Variants in CSMD3 observed in about 807,000 individuals in gnomAD.
CSMD3 encodes CUB and sushi domain-containing protein 3.
Under a neutral mutation model 435.2 loss-of-function variants are expected in CSMD3, and 177 were observed. That is an observed-to-expected ratio of 0.41 (90% confidence interval 0.36 to 0.46). CSMD3 has a LOEUF of 0.46. CSMD3 is among the 20% of genes least tolerant of loss of function. The pLI, the probability that CSMD3 is intolerant of heterozygous loss-of-function variation, is 0.34. For synonymous variants in CSMD3, 1,656 were observed against 1,520.5 expected (o/e 1.09, Z -2.07); for missense variants, 4,265 against 4,504.6 (o/e 0.95, Z 1.52).
At chr8:113,006,397 G>A (rs975329731) in intron 6 of CSMD3, among the ~76,000 whole-genome samples, 24 of 152,044 alleles carry the variant, frequency 1.6e-4, no homozygotes, top group African/African-American at 5.8e-4. Flanking sequence ...TTGTAGATTG[G>A]TGAGGACCCT....
At chr8:112,989,353 T>C (rs1243383842) in intron 6 of CSMD3, among the ~76,000 whole-genome samples, 3 of 152,050 alleles carry the variant, frequency 2.0e-5, no homozygotes, top group African/African-American at 7.2e-5. Context: ...TATTTCTCTA[T>C]ACTATGTTCC....
chr8:113,168,519 CAAAAAAAAAA>C (rs71281204), intron 4 of CSMD3, among the ~76,000 whole-genome samples: 4 of 17,018 alleles, frequency 2.4e-4, no homozygotes, highest in Non-Finnish European at 4.4e-4. Flanking sequence ...GACTCTGTCT[CAAAAAAAAAA>C]AAAAAAAAAA....
intron 7 of CSMD3, among the ~76,000 whole-genome samples, chr8:112,971,652 A>C (rs1235647312): frequency 3.3e-5 from 5 of 152,168 alleles, no homozygotes. Flanking sequence ...ACTAAAATGC[A>C]GTCAAAAATA....
chr8:112,884,989 C>G (rs2081550673), intron 10 of CSMD3, among the ~76,000 whole-genome samples: 1 of 151,682 alleles, frequency 6.6e-6, no homozygotes, highest in Admixed American at 6.6e-5. Flanking sequence ...CCCTGAGAGA[C>G]CCAATCCCAG....
chr8:112,880,340 A>G (rs776823944), intron 10 of CSMD3, among the ~76,000 whole-genome samples: 3 of 152,074 alleles, frequency 2.0e-5, no homozygotes, highest in Admixed American at 2.0e-4. Context: ...CCTACGCTTA[A>G]GGAGCTTGCA....
intron 14 of CSMD3, among the ~76,000 whole-genome samples, chr8:112,689,117 A>G (rs1242708035): frequency 2.6e-5 from 4 of 152,070 alleles, no homozygotes; most frequent in African/African-American, 9.6e-5. Context: ...TAAGAACTAA[A>G]ACAAAAGGGG....
At position 112,237,105 on chromosome 8, in the gene CSMD3, T is replaced by A; in HGVS notation, c.10627+85A>T. 4 of 1,409,194 alleles carry A rather than the reference T, an allele frequency of 2.8e-6. No individual in the cohort carries two copies. The Admixed American group carries it at 6.7e-5, about 24-fold the overall frequency. 87.3% of individuals were successfully genotyped at this position (1,409,194 alleles called of 1,614,324 possible). A position where few individuals can be genotyped will look rare whatever the true frequency, so the allele number is the denominator to read the frequency against. The stretch of plus-strand genomic sequence containing the variant: ...ATGTATCAAAATAAACATTTCACCA[T>A]ATAAAAAGCATTACTAAAAATGATG... On this transcript the variant is annotated intron_variant, in intron 67 of 70. Transcript: ENST00000297405.
intron 27 of CSMD3, among the ~76,000 whole-genome samples, chr8:112,522,932 C>A (rs1440472542): frequency 6.6e-6 from 1 of 151,814 alleles, no homozygotes; most frequent in African/African-American, 2.4e-5. Context: ...TAGTTTTCAA[C>A]TGAAATATGG....
chr8:112,621,976 G>A (rs942404756), intron 22 of CSMD3, among the ~76,000 whole-genome samples: 1 of 152,068 alleles, frequency 6.6e-6, no homozygotes, highest in Non-Finnish European at 1.5e-5. Flanking sequence ...TTCTCTCTCT[G>A]TGGTACACTC....
intron 41 of CSMD3, among the ~76,000 whole-genome samples, chr8:112,344,356 A>G (rs1160554346): frequency 6.6e-6 from 1 of 152,224 alleles, no homozygotes; most frequent in Non-Finnish European, 1.5e-5. Context: ...TTATTTAAAG[A>G]AAAATGCAAA....
chr8:113,109,066 T>TA (rs747933330), intron 4 of CSMD3, among the ~76,000 whole-genome samples: 3 of 152,208 alleles, frequency 2.0e-5, no homozygotes, highest in East Asian at 1.9e-4. Context: ...AATGGAGAAT[T>TA]AAAAACAAGT....
chr8:113,106,199 TA>T (rs2090470861), intron 4 of CSMD3, among the ~76,000 whole-genome samples: 1 of 151,986 alleles, frequency 6.6e-6, no homozygotes, highest in Non-Finnish European at 1.5e-5. Context: ...CAGCAAAGCC[TA>T]AAATATTTAC....
At chr8:112,490,811 A>G (rs1273891189) in intron 31 of CSMD3, among the ~76,000 whole-genome samples, 1 of 152,138 alleles carries the variant, frequency 6.6e-6, no homozygotes, top group African/African-American at 2.4e-5. Flanking sequence ...ACTAATTTAT[A>G]TGGTTCTAAA....
intron 32 of CSMD3, among the ~76,000 whole-genome samples, chr8:112,435,621 A>G (rs1034430434): frequency 1.3e-5 from 2 of 152,080 alleles, no homozygotes; most frequent in Admixed American, 1.3e-4. Context: ...GGTATGATGC[A>G]ATAACTTAAA....
intron 13 of CSMD3, among the ~76,000 whole-genome samples, chr8:112,755,365 A>AATAATAATC (rs2077673337): frequency 6.7e-6 from 1 of 148,636 alleles, no homozygotes; most frequent in South Asian, 2.1e-4. Context: ...TAATAATAAT[A>AATAATAATC]ATAATAATGA....
chr8:112,364,345 C>T (rs989261080), intron 38 of CSMD3, among the ~76,000 whole-genome samples: 1 of 151,740 alleles, frequency 6.6e-6, no homozygotes, highest in Non-Finnish European at 1.5e-5. Flanking sequence ...AAAATCTATT[C>T]ATTATGGTAA....
chr8:112,245,667 A>C (rs752361399), intron 64 of CSMD3, among the ~76,000 whole-genome samples: 6 of 152,052 alleles, frequency 3.9e-5, no homozygotes, highest in Non-Finnish European at 5.9e-5. Context: ...ACTCCTGAGG[A>C]GCTGGGACTA....
At chr8:112,453,342 A>G (rs1186233175) in intron 32 of CSMD3, among the ~76,000 whole-genome samples, 3 of 152,160 alleles carry the variant, frequency 2.0e-5, no homozygotes, top group Admixed American at 2.0e-4. Context: ...TGCCAATAAT[A>G]TGATCATACA....
chr8:112,615,812 A>G (rs1757295387), intron 22 of CSMD3, among the ~76,000 whole-genome samples: 1 of 152,136 alleles, frequency 6.6e-6, no homozygotes, highest in Admixed American at 6.6e-5. Context: ...TGAAAATAGT[A>G]TATTCTATTA....
Sources: gnomAD v4.1 joint callset for allele counts (sites outside exome capture counted in the v4.1 genomes callset) on GRCh38, gnomAD v4.1.1 for gene constraint, MANE v1.5 for transcripts, NCBI Gene and HGNC (gene_info 2026-07-23, HGNC 2026-07-21) for gene names.